PDXDC1: variants seen among roughly 807,000 people sequenced by gnomAD.
The protein encoded by PDXDC1 is pyridoxal dependent decarboxylase domain containing 1.
In PDXDC1, 42 loss-of-function variants were observed where a neutral mutation model predicts 100.1. The ratio of observed to expected loss-of-function variants is 0.42; its 90% CI spans 0.33 to 0.54. The LOEUF (loss-of-function observed/expected upper bound fraction) is 0.54, where lower values mean the gene tolerates loss of function less well. PDXDC1 is among the 20% of genes least tolerant of loss of function. The pLI, the probability that PDXDC1 is intolerant of heterozygous loss-of-function variation, is 0.10. For synonymous variants in PDXDC1, 260 were observed against 371.7 expected (o/e 0.70, Z 3.46); for missense variants, 636 against 979.2 (o/e 0.65, Z 4.68).
intron 1 of PDXDC1, among the ~76,000 whole-genome samples, chr16:14,987,747 G>T (rs1482710973): frequency 1.3e-5 from 2 of 152,274 alleles, no homozygotes; most frequent in African/African-American, 2.4e-5. Flanking sequence ...GAATAGCTGG[G>T]ATTACAGGCA....
intron 16 of PDXDC1, chr16:15,060,105 A>G: frequency 2.9e-6 from 1 of 342,006 alleles, no homozygotes; most frequent in Non-Finnish European, 5.8e-6. Context: ...CATTTTCACC[A>G]TGGATTTTTT....
chr16:15,056,003 A>G, intron 16 of PDXDC1: 1 of 1,159,520 alleles, frequency 8.6e-7, no homozygotes, highest in Non-Finnish European at 1.1e-6. Context: ...AGGCCCAGGG[A>G]GGCGGCGGCC....
At chr16:14,975,943 C>G (rs1196869313) in intron 1 of PDXDC1, among the ~76,000 whole-genome samples, 2 of 152,300 alleles carry the variant, frequency 1.3e-5, no homozygotes, top group African/African-American at 4.8e-5. Context: ...TCCACAACTT[C>G]CTGGCTCCCC....
At chr16:15,098,350 G>A (rs1195969832) in intron 16 of PDXDC1, among the ~76,000 whole-genome samples, 1 of 151,180 alleles carries the variant, frequency 6.6e-6, no homozygotes, top group South Asian at 2.1e-4. Context: ...ACATGTGCCC[G>A]CCACCACACC....
intron 16 of PDXDC1, chr16:15,061,044 G>A (rs932861697): frequency 2.0e-5 from 3 of 151,978 alleles, no homozygotes; most frequent in Admixed American, 2.0e-4. Flanking sequence ...CCATTTTTTC[G>A]CTGTGCCAAG....
At chr16:15,076,394 T>G in intron 16 of PDXDC1, 2 of 651,534 alleles carry the variant, frequency 3.1e-6, no homozygotes. Context: ...CTATGCTAAG[T>G]GCTAAATGAC....
At position 15,036,182 on chromosome 16, in the gene PDXDC1, T is replaced by C. The variant is rs2151664731; in HGVS notation, c.2274T>C (p.Pro758=). 2 of 1,614,070 alleles carry C rather than the reference T, an allele frequency of 1.2e-6. No homozygotes were observed. The highest frequency in any genetic ancestry group is 4.5e-5 in the East Asian group (2 of 44,866). The change falls in exon 23 of 23, where the codon CCT becomes CCC. Residue 758 remains proline (P), a synonymous_variant. Coordinates refer to ENST00000396410, the MANE Select transcript of PDXDC1 (RefSeq NM_015027.4). ...STEGHPGAPS[P]QHTDQTEAFQ... ...AGGGACACCCAGGGGCTCCCAGCCC[T>C]CAGCACACCGACCAGACCGAGGCCT...
chr16:15,129,578 G>A (rs1191116455), intron 16 of PDXDC1, among the ~76,000 whole-genome samples: 2 of 152,246 alleles, frequency 1.3e-5, no homozygotes, highest in East Asian at 1.9e-4. Flanking sequence ...TCAGGATCGC[G>A]GGTGGATGCA....
chr16:15,034,313 C>T lies in PDXDC1; in HGVS notation c.1840C>T (p.Arg614Trp), dbSNP rs369177312. ...RLLENMTEVVRKGIQEAQVEL... is the reference protein window; with the variant it reads ...RLLENMTEVVWKGIQEAQVEL... The stretch of plus-strand genomic sequence containing the variant: ...TCTGGAAAACATGACAGAAGTGGTT[C>T]GGAAAGGCATTCAGGAAGCTCAAGT... Residue 614 changes from arginine (R) to tryptophan (W), a missense_variant, in exon 20 of 23, where the codon CGG becomes TGG. Physicochemically the swap from Arg to Trp is moderately radical, Grantham distance 101 (BLOSUM62 -3). Around this residue, in one of 4 missense-constraint regions of PDXDC1, gnomAD observed 452 missense variants for 402.9 expected, o/e 1.12. Coordinates refer to ENST00000396410, the MANE Select transcript of PDXDC1 (RefSeq NM_015027.4). The T allele has an allele frequency of 1.6e-5, 26 of 1,613,064 alleles. No homozygotes were observed. The highest frequency in any genetic ancestry group is 5.3e-5 in the African/African-American group (4 of 74,876).
At chr16:15,054,982 A>G (rs934628879) in intron 16 of PDXDC1, among the ~76,000 whole-genome samples, 1 of 152,114 alleles carries the variant, frequency 6.6e-6, no homozygotes, top group African/African-American at 2.4e-5. Flanking sequence ...ATGGTACTTA[A>G]CAGTTTATAG....
At chr16:15,046,732 G>A (rs2044083699) in intron 16 of PDXDC1, among the ~76,000 whole-genome samples, 1 of 150,466 alleles carries the variant, frequency 6.6e-6, no homozygotes, top group East Asian at 2.0e-4. Context: ...AAAGCTAGCT[G>A]GGTATGGTGG....
intron 1 of PDXDC1, among the ~76,000 whole-genome samples, chr16:14,996,176 T>A (rs1167108618): frequency 1.3e-5 from 2 of 152,288 alleles, no homozygotes; most frequent in Non-Finnish European, 1.5e-5. Flanking sequence ...ATCCCTGGAC[T>A]AGATCCCTTA....
At chr16:15,135,591 T>C (rs1231593267) in intron 16 of PDXDC1, 5 of 1,368,422 alleles carry the variant, frequency 3.7e-6, no homozygotes, top group South Asian at 1.2e-5. Flanking sequence ...GGGTGTTCTC[T>C]GGGCTCATGG....
At chr16:14,991,867 A>C (rs1970929680) in intron 1 of PDXDC1, among the ~76,000 whole-genome samples, 1 of 152,278 alleles carries the variant, frequency 6.6e-6, no homozygotes, top group African/African-American at 2.4e-5. Flanking sequence ...AATTCTATTG[A>C]AAGAAATAGC....
At chr16:15,040,792 C>T (rs1314157384), downstream of PDXDC1, among the ~76,000 whole-genome samples, 1 of 152,190 alleles carries the variant, frequency 6.6e-6, no homozygotes, top group Non-Finnish European at 1.5e-5. Flanking sequence ...GGCACTTTCC[C>T]AGCTCCTGGG....
intron 16 of PDXDC1, chr16:15,128,109 G>A (rs2047845625): frequency 6.2e-7 from 1 of 1,608,972 alleles, no homozygotes; most frequent in Non-Finnish European, 8.5e-7. Context: ...ATGATGACGT[G>A]CTGCAGGAAC....
At chr16:15,149,540 T>G in the PDXDC1 span, among the ~76,000 whole-genome samples, 4 of 152,218 alleles carry the variant, frequency 2.6e-5, no homozygotes, top group South Asian at 8.3e-4. Context: ...CCAGAATGAC[T>G]GTCTTCCCCG....
chr16:14,987,685 C>G (rs1969696070), intron 1 of PDXDC1, among the ~76,000 whole-genome samples: 1 of 152,286 alleles, frequency 6.6e-6, no homozygotes, highest in South Asian at 2.1e-4. Flanking sequence ...CATCTCTGCT[C>G]ACTGCAGCCT....
At chr16:15,110,538 C>T in intron 16 of PDXDC1, 1 of 1,587,444 alleles carries the variant, frequency 6.3e-7, no homozygotes, top group Non-Finnish European at 8.5e-7. Context: ...GTAAAGATGT[C>T]TTCCAGGACA....
Sources: gnomAD v4.1 joint callset for allele counts (sites outside exome capture counted in the v4.1 genomes callset) on GRCh38, gnomAD v4.1.1 for gene constraint, gnomAD v4.1.1 regional missense constraint, MANE v1.5 for transcripts, NCBI Gene and HGNC (gene_info 2026-07-23, HGNC 2026-07-21) for gene names.